Variants in OPCML observed in about 807,000 individuals in gnomAD.
OPCML encodes the protein opioid-binding protein/cell adhesion molecule.
In OPCML, 13 loss-of-function variants were observed where a neutral mutation model predicts 37.8. The ratio of observed to expected loss-of-function variants is 0.34; its 90% CI spans 0.22 to 0.55. OPCML has a LOEUF of 0.55. Ranked by LOEUF, OPCML falls within the 20% of genes least tolerant of loss-of-function variation. The probability of loss-of-function intolerance (pLI) is 0.91; values close to 1 mark genes in which losing one functional copy is unlikely to be tolerated. For missense variants in OPCML, 341 were observed against 435.6 expected, an observed-to-expected ratio of 0.78 and a Z score of 1.93; for synonymous variants, 176 against 168.8, an observed-to-expected ratio of 1.04 and a Z score of -0.33.
intron 1 of OPCML, among the ~76,000 whole-genome samples, chr11:132,987,756 C>A (rs952203693): frequency 6.6e-6 from 1 of 152,194 alleles, no homozygotes; most frequent in African/African-American, 2.4e-5. Flanking sequence ...GCTCCACCAA[C>A]TAGCTCCTGA....
intron 1 of OPCML, chr11:133,365,918 A>C (rs925109692): frequency 6.6e-6 from 1 of 152,224 alleles, no homozygotes; most frequent in Non-Finnish European, 1.5e-5. Flanking sequence ...ATGGCCATCC[A>C]CAGCTGCAAA....
chr11:133,047,760 G>C (rs1174904288), intron 1 of OPCML, among the ~76,000 whole-genome samples: 1 of 152,228 alleles, frequency 6.6e-6, no homozygotes, highest in Non-Finnish European at 1.5e-5. Flanking sequence ...GTGGGAAAAG[G>C]AGAAAGGATT....
At chr11:132,706,723 C>T (rs1263911790) in intron 2 of OPCML, among the ~76,000 whole-genome samples, 1 of 152,164 alleles carries the variant, frequency 6.6e-6, no homozygotes, top group Admixed American at 6.5e-5. Context: ...CTCTCAGAGG[C>T]CACTGAATGA....
intron 1 of OPCML, among the ~76,000 whole-genome samples, chr11:133,251,648 A>T (rs1411120545): frequency 6.6e-6 from 1 of 152,100 alleles, no homozygotes; most frequent in African/African-American, 2.4e-5. Context: ...AAGAGGAAAC[A>T]TGATTGCTGA....
chr11:132,485,509 G>C (rs1475564492), intron 4 of OPCML, among the ~76,000 whole-genome samples: 1 of 152,156 alleles, frequency 6.6e-6, no homozygotes, highest in Non-Finnish European at 1.5e-5. Context: ...TTCTCCCACA[G>C]AACTCCTTCA....
In OPCML at chr11:132,843,923, T is replaced by C. The variant is rs565343202; in HGVS notation, c.146+99003A>G. Among the ~76,000 whole-genome samples, 6 of 152,296 alleles carry C rather than the reference T, an allele frequency of 3.9e-5. No homozygotes were observed. The East Asian group carries it at 1.2e-3, about 29-fold the overall frequency. Reference sequence around the variant, plus strand: ...AAGTGGTTGATATGGTTTGGCTGTGTCCCCACACAAATCTCATCTTGAATT... The same window carrying C: ...AAGTGGTTGATATGGTTTGGCTGTGCCCCCACACAAATCTCATCTTGAATT... On this transcript the variant is annotated intron_variant, in intron 2 of 7. Transcript: ENST00000524381.
rs565663832 is a variant in OPCML, at chr11:132,836,635, G to A, written c.146+106291C>T. ...TGAGTCCTCTTTTCATCTTTTGGTC[G>A]CCATTATATTATCTGCTAATATTTG... On this transcript the variant is annotated intron_variant, in intron 2 of 7. Transcript: ENST00000524381. 4.3e-4 allele frequency among the ~76,000 whole-genome samples: 65 copies of A among 152,132 alleles called. 1 individual carries two copies. In the South Asian group the frequency reaches 0.013, roughly 30 times the overall value.
At chr11:133,123,911 A>G (rs1236240134) in intron 1 of OPCML, among the ~76,000 whole-genome samples, 1 of 152,148 alleles carries the variant, frequency 6.6e-6, no homozygotes, top group African/African-American at 2.4e-5. Flanking sequence ...GGATATACTG[A>G]GCGGTCTCTG....
intron 2 of OPCML, among the ~76,000 whole-genome samples, chr11:132,797,868 T>C (rs1938421332): frequency 6.6e-6 from 1 of 152,050 alleles, no homozygotes; most frequent in Non-Finnish European, 1.5e-5. Flanking sequence ...ATCAGGGTGG[T>C]GGTTGCTGAA....
chr11:132,693,201 G>T (rs1943471551), intron 2 of OPCML, among the ~76,000 whole-genome samples: 1 of 152,182 alleles, frequency 6.6e-6, no homozygotes, highest in Non-Finnish European at 1.5e-5. Context: ...ATTAAACTTT[G>T]ATTTCAGACG....
At chr11:133,052,521 G>A (rs573860127) in intron 1 of OPCML, among the ~76,000 whole-genome samples, 116 of 152,286 alleles carry the variant, frequency 7.6e-4, no homozygotes, top group African/African-American at 2.7e-3. Flanking sequence ...TACTTTAGGG[G>A]ACATCTGCCC....
intron 4 of OPCML, among the ~76,000 whole-genome samples, chr11:132,486,943 A>T (rs1345389273): frequency 6.6e-6 from 1 of 152,220 alleles, no homozygotes; most frequent in Non-Finnish European, 1.5e-5. Context: ...TTCAATGCTT[A>T]TTGCATCTCA....
intron 1 of OPCML, among the ~76,000 whole-genome samples, chr11:133,411,729 T>C (rs1945656476): frequency 6.6e-6 from 1 of 152,204 alleles, no homozygotes; most frequent in African/African-American, 2.4e-5. Flanking sequence ...GCTCAGCCAG[T>C]GAAGCCCAGG....
intron 1 of OPCML, among the ~76,000 whole-genome samples, chr11:133,353,555 G>T (rs1592226393): frequency 6.6e-6 from 1 of 152,288 alleles, no homozygotes; most frequent in East Asian, 1.9e-4. Context: ...GTTGATGGGG[G>T]CCACAGAAAC....
rs117741142 is a variant in OPCML, at chr11:133,162,759, C to A, written c.62-219749G>T. On this transcript the variant is annotated intron_variant, in intron 1 of 7. Coordinates refer to ENST00000524381, the MANE Select transcript of OPCML (RefSeq NM_001012393.5). Reference sequence around the variant, plus strand: ...AGCGTGTTTCCCCTTCTGCTACGGGCTTCAGCTGCTCCATGCATACACGGT... The same window carrying A: ...AGCGTGTTTCCCCTTCTGCTACGGGATTCAGCTGCTCCATGCATACACGGT... Among the ~76,000 whole-genome samples the A allele has an allele frequency of 3.5e-3, 538 of 152,330 alleles. 1 individual carries two copies. Among genetic ancestry groups the A allele is most frequent in the Non-Finnish European group, 5.5e-3 (372 of 68,028 alleles).
At chr11:133,335,269 G>A (rs1441723788) in intron 1 of OPCML, among the ~76,000 whole-genome samples, 7 of 152,208 alleles carry the variant, frequency 4.6e-5, no homozygotes, top group Non-Finnish European at 1.0e-4. Context: ...GAAAGGCTGT[G>A]ATTTCCCCAA....
intron 1 of OPCML, among the ~76,000 whole-genome samples, chr11:133,119,514 C>T (rs974677835): frequency 2.0e-5 from 3 of 151,960 alleles, no homozygotes; most frequent in Non-Finnish European, 2.9e-5. Context: ...GTACGCAGCC[C>T]AGCCCAGGGC....
chr11:133,233,894 C>A (rs1179277811), intron 1 of OPCML, among the ~76,000 whole-genome samples: 1 of 152,144 alleles, frequency 6.6e-6, no homozygotes, highest in Non-Finnish European at 1.5e-5. Context: ...CATGGAGCAT[C>A]CCCCACCCCC....
At chr11:133,288,645 G>A (rs533898588) in intron 1 of OPCML, among the ~76,000 whole-genome samples, 113 of 152,266 alleles carry the variant, frequency 7.4e-4, no homozygotes, top group African/African-American at 2.5e-3. Context: ...GGACACCCAG[G>A]GTCTACCTTG....
Sources: allele counts gnomAD v4.1 joint callset (sites outside exome capture counted in the v4.1 genomes callset), GRCh38; gene constraint gnomAD v4.1.1; transcripts MANE v1.5; gene names NCBI Gene and HGNC (gene_info 2026-07-23, HGNC 2026-07-21).